RBFOX1: variants seen among roughly 807,000 people sequenced by gnomAD.
The protein encoded by RBFOX1 is RNA binding fox-1 homolog 1, also known as RNA binding protein fox-1 homolog 1.
RBFOX1 carries 8 observed loss-of-function variants against 57.7 expected under a neutral mutation model. The ratio of observed to expected loss-of-function variants is 0.14; its 90% CI spans 0.08 to 0.25. The LOEUF is 0.25. Ranked by LOEUF, RBFOX1 falls within the 10% of genes least tolerant of loss-of-function variation. RBFOX1 has a pLI of 1.00. For missense variants in RBFOX1, 611 were observed against 548.5 expected (o/e 1.11, Z -1.14); for synonymous variants, 326 against 222.4 (o/e 1.47, Z -4.15).
chr16:5,959,272 A>G (rs547495406), intron 4 of RBFOX1, among the ~76,000 whole-genome samples: 13 of 152,292 alleles, frequency 8.5e-5, no homozygotes, highest in African/African-American at 2.4e-4. Flanking sequence ...TTGAGAACCA[A>G]TAGAACATGG....
At chr16:5,716,229 T>G (rs2051693125) in intron 3 of RBFOX1, among the ~76,000 whole-genome samples, 1 of 152,210 alleles carries the variant, frequency 6.6e-6, no homozygotes, top group Non-Finnish European at 1.5e-5. Flanking sequence ...TTTTTTTCCA[T>G]TAAAATCAGC....
chr16:7,492,688 G>A (rs1006913319), intron 4 of RBFOX1, among the ~76,000 whole-genome samples: 30 of 152,062 alleles, frequency 2.0e-4, no homozygotes, highest in African/African-American at 5.3e-4. Context: ...GTGGTTTAGT[G>A]CCATACCCTT....
At chr16:6,493,949 A>T (rs2153146564) in intron 2 of RBFOX1, among the ~76,000 whole-genome samples, 1 of 152,338 alleles carries the variant, frequency 6.6e-6, no homozygotes, top group East Asian at 1.9e-4. Flanking sequence ...GTGATTTTTA[A>T]TGAGTGATAT....
At chr16:7,371,191 T>C (rs912099125) in intron 4 of RBFOX1, among the ~76,000 whole-genome samples, 1 of 152,196 alleles carries the variant, frequency 6.6e-6, no homozygotes, top group Non-Finnish European at 1.5e-5. Context: ...AAGCTCATAA[T>C]TTACTTCTTT....
chr16:5,603,959 T>C (rs2047464252), downstream of RBFOX1, among the ~76,000 whole-genome samples: 1 of 148,162 alleles, frequency 6.7e-6, no homozygotes, highest in African/African-American at 2.5e-5. Context: ...CAGACATTAC[T>C]AAGCAATGGT....
At chr16:7,002,058 G>A (rs1389325622) in intron 3 of RBFOX1, among the ~76,000 whole-genome samples, 3 of 152,124 alleles carry the variant, frequency 2.0e-5, no homozygotes, top group Non-Finnish European at 4.4e-5. Flanking sequence ...GTGGACCACC[G>A]AGAGATTCCT....
chr16:5,759,103 A>G (rs1397733597), intron 3 of RBFOX1, among the ~76,000 whole-genome samples: 1 of 152,200 alleles, frequency 6.6e-6, no homozygotes, highest in Non-Finnish European at 1.5e-5. Flanking sequence ...TCTCTGAAGA[A>G]CATGCTTCCT....
intron 4 of RBFOX1, among the ~76,000 whole-genome samples, chr16:7,312,433 G>A (rs551157998): frequency 1.1e-4 from 17 of 152,292 alleles, no homozygotes; most frequent in East Asian, 9.6e-4. Flanking sequence ...TTAAAGAAAC[G>A]TAGGATTTGT....
chr16:6,968,000 G>T (rs1198596905), intron 3 of RBFOX1, among the ~76,000 whole-genome samples: 2 of 152,208 alleles, frequency 1.3e-5, no homozygotes, highest in African/African-American at 4.8e-5. Flanking sequence ...ACAGCGGGAA[G>T]GTGCTGCCTC....
intron 2 of RBFOX1, among the ~76,000 whole-genome samples, chr16:5,503,098 G>A (rs1030591904): frequency 1.3e-5 from 2 of 152,224 alleles, no homozygotes; most frequent in South Asian, 4.1e-4. Context: ...GGAGAGAAGG[G>A]TGCAGGCTCT....
rs369851655 is a variant in RBFOX1, at chr16:6,228,982, G to A, written c.-126-88013G>A. Among the ~76,000 whole-genome samples the A allele has an allele frequency of 9.9e-5, 15 of 152,134 alleles. No homozygotes were observed. In the East Asian group the frequency reaches 2.7e-3, roughly 27 times the overall value. On this transcript the variant is annotated intron_variant, in intron 1 of 15. Coordinates refer to ENST00000550418, the MANE Select transcript of RBFOX1 (RefSeq NM_018723.4). ...GAGGTGAAGGAAAAAAGTTCTTGGC[G>A]TTTATATTAAATGATGCACAAATCC... is the stretch of plus-strand genomic sequence containing the variant.
intron 3 of RBFOX1, among the ~76,000 whole-genome samples, chr16:6,687,933 C>G (rs2059675799): frequency 6.6e-6 from 1 of 152,212 alleles, no homozygotes; most frequent in Non-Finnish European, 1.5e-5. Flanking sequence ...AAACAATCAT[C>G]TTGAGTGAGA....
chr16:7,246,289 C>T (rs1288703479), intron 4 of RBFOX1, among the ~76,000 whole-genome samples: 1 of 152,166 alleles, frequency 6.6e-6, no homozygotes, highest in African/African-American at 2.4e-5. Context: ...TGCCTCTCAC[C>T]TGGGCAGCTC....
At chr16:6,579,315 C>A (rs1403978123) in intron 2 of RBFOX1, among the ~76,000 whole-genome samples, 1 of 151,966 alleles carries the variant, frequency 6.6e-6, no homozygotes, top group East Asian at 1.9e-4. Flanking sequence ...GCAGTCCTCC[C>A]ACCTCGGTCT....
intron 1 of RBFOX1, among the ~76,000 whole-genome samples, chr16:5,393,910 C>G (rs1027850514): frequency 2.0e-5 from 3 of 152,344 alleles, no homozygotes; most frequent in Admixed American, 1.3e-4. Flanking sequence ...GATCTTTCTT[C>G]TGCCTTCTGT....
chr16:6,134,889 C>G (rs1039978133), intron 1 of RBFOX1, among the ~76,000 whole-genome samples: 3 of 151,980 alleles, frequency 2.0e-5, no homozygotes, highest in African/African-American at 7.3e-5. Flanking sequence ...TACATATGCA[C>G]AACGTGCAGG....
chr16:6,029,061 C>G (rs993398539), intron 1 of RBFOX1, among the ~76,000 whole-genome samples: 2 of 152,194 alleles, frequency 1.3e-5, no homozygotes, highest in South Asian at 4.1e-4. Flanking sequence ...AAGCAGCAAT[C>G]ACACAGACTT....
chr16:7,511,077 G>A (rs1251350627), intron 4 of RBFOX1, among the ~76,000 whole-genome samples: 1 of 152,178 alleles, frequency 6.6e-6, no homozygotes, highest in Non-Finnish European at 1.5e-5. Flanking sequence ...ACCCACACAG[G>A]AAAATGCTTG....
chr16:5,581,002 C>T (rs1276507762), intron 2 of RBFOX1, among the ~76,000 whole-genome samples: 1 of 152,194 alleles, frequency 6.6e-6, no homozygotes, highest in Non-Finnish European at 1.5e-5. Context: ...TGGGATGATT[C>T]AAGGGCTGTC....
Sources: gnomAD v4.1 joint callset for allele counts (sites outside exome capture counted in the v4.1 genomes callset) on GRCh38, gnomAD v4.1.1 for gene constraint, MANE v1.5 for transcripts, NCBI Gene and HGNC (gene_info 2026-07-23, HGNC 2026-07-21) for gene names.